Variants in ZNF469 observed in about 807,000 individuals in gnomAD.
ZNF469 encodes the protein zinc finger protein 469.
Under a neutral mutation model 1.0 loss-of-function variants are expected in ZNF469, and 1 was observed. That is an observed-to-expected ratio of 1.00 (90% CI 0.35 to 4.73). The LOEUF is 4.73. Among genes scored for constraint, ZNF469 ranks in the 30% most tolerant of loss-of-function variants. The pLI is 0.16. For missense variants in ZNF469, 6,100 were observed against 5,356.3 expected, an observed-to-expected ratio of 1.14 and a Z score of -4.33; for synonymous variants, 2,703 against 2,363.4, an observed-to-expected ratio of 1.14 and a Z score of -4.17.
chr16:88,287,080 A>C, the ZNF469 span, among the ~76,000 whole-genome samples: 35 of 152,286 alleles, frequency 2.3e-4, no homozygotes, highest in African/African-American at 8.2e-4. Context: ...CTTGCTTTTT[A>C]AAGCTTTTCT....
At chr16:88,115,458 G>A in the ZNF469 span, among the ~76,000 whole-genome samples, 1 of 152,022 alleles carries the variant, frequency 6.6e-6, no homozygotes, top group African/African-American at 2.4e-5. Flanking sequence ...GCCTTGCACA[G>A]TGCACATGAC....
chr16:88,399,900 C>G (rs1262666786), intron 1 of ZNF469, among the ~76,000 whole-genome samples: 2 of 152,242 alleles, frequency 1.3e-5, no homozygotes, highest in African/African-American at 4.8e-5. Context: ...GGGCTGGGGC[C>G]ACCTCAGGAG....
chr16:88,116,319 C>T, the ZNF469 span, among the ~76,000 whole-genome samples: 5 of 152,258 alleles, frequency 3.3e-5, no homozygotes, highest in East Asian at 7.7e-4. Flanking sequence ...GGTGATGTTG[C>T]GGTGTAGACA....
chr16:88,440,094 C>T lies in ZNF469; in HGVS notation c.*762C>T, dbSNP rs1223929849. 1.3e-5 allele frequency: 2 copies of T among 153,374 alleles called. No individual in the cohort carries two copies. Among genetic ancestry groups the T allele is most frequent in the Non-Finnish European group, 2.9e-5 (2 of 68,828 alleles). 9.5% of individuals were successfully genotyped at this position (153,374 alleles called of 1,614,324 possible). On this transcript the variant is annotated 3_prime_UTR_variant, in exon 3 of 3. Transcript: ENST00000565624. Reference sequence around the variant, plus strand: ...CCTCCATGGCCGCCCTCTAGAGCCTCCCTGCTGTACGGAGCTCTGGGCTCC... The same window carrying T: ...CCTCCATGGCCGCCCTCTAGAGCCTTCCTGCTGTACGGAGCTCTGGGCTCC...
intron 1 of ZNF469, among the ~76,000 whole-genome samples, chr16:88,410,751 C>CGGT (rs1905135505): frequency 6.6e-6 from 1 of 152,058 alleles, no homozygotes; most frequent in Admixed American, 6.5e-5. Flanking sequence ...ACACAGTTCA[C>CGGT]AGTAACGTCT....
the ZNF469 span, among the ~76,000 whole-genome samples, chr16:88,245,854 G>A: frequency 6.6e-6 from 1 of 152,292 alleles, no homozygotes; most frequent in Admixed American, 6.5e-5. Context: ...CATTGAGCGT[G>A]CCTGGTGTGT....
chr16:88,147,360 G>T, the ZNF469 span, among the ~76,000 whole-genome samples: 1 of 152,172 alleles, frequency 6.6e-6, no homozygotes, highest in Non-Finnish European at 1.5e-5. Flanking sequence ...CAGCGCCAAA[G>T]TCAGTCCATG....
the ZNF469 span, among the ~76,000 whole-genome samples, chr16:88,354,750 G>T: frequency 4.6e-5 from 7 of 152,268 alleles, no homozygotes; most frequent in East Asian, 1.4e-3. Context: ...GGCTCCCAAG[G>T]CTCCCAAGCC....
At chr16:88,393,510 C>G (rs1432364376) in intron 1 of ZNF469, among the ~76,000 whole-genome samples, 2 of 152,216 alleles carry the variant, frequency 1.3e-5, no homozygotes, top group African/African-American at 2.4e-5. Flanking sequence ...GCCTGGGACC[C>G]AAAGCCCTGC....
the ZNF469 span, among the ~76,000 whole-genome samples, chr16:88,310,478 A>G: frequency 2.0e-5 from 3 of 152,092 alleles, no homozygotes; most frequent in Non-Finnish European, 2.9e-5. Flanking sequence ...TTTGCACACA[A>G]AAGTGATAGC....
the ZNF469 span, among the ~76,000 whole-genome samples, chr16:88,342,224 G>A: frequency 6.6e-5 from 10 of 152,058 alleles, no homozygotes; most frequent in African/African-American, 1.2e-4. Context: ...AAGGTGACTC[G>A]AGAGATTTAC....
chr16:88,151,366 G>A, the ZNF469 span, among the ~76,000 whole-genome samples: 3 of 152,222 alleles, frequency 2.0e-5, no homozygotes, highest in South Asian at 4.1e-4. This position sits in a 1 kb window ranked among gnomAD's most constrained non-coding sequence, Gnocchi z 5.4. Context: ...CTTAAAACAC[G>A]GAAGCCGGGG....
the ZNF469 span, among the ~76,000 whole-genome samples, chr16:88,153,647 C>T: frequency 2.6e-5 from 4 of 152,248 alleles, no homozygotes; most frequent in Non-Finnish European, 5.9e-5. Context: ...CCCAGGCCGC[C>T]TGCAAGGCAC....
chr16:88,150,235 G>A, the ZNF469 span, among the ~76,000 whole-genome samples: 2 of 152,022 alleles, frequency 1.3e-5, no homozygotes, highest in African/African-American at 4.8e-5. Flanking sequence ...GCTTGAACCC[G>A]AGAGGCGGAG....
chr16:88,365,130 G>A, the ZNF469 span, among the ~76,000 whole-genome samples: 4 of 152,218 alleles, frequency 2.6e-5, no homozygotes, highest in South Asian at 2.1e-4. Flanking sequence ...TGGGATCCAT[G>A]AGTCGAGTCT....
chr16:88,168,087 G>A, the ZNF469 span, among the ~76,000 whole-genome samples: 1 of 152,182 alleles, frequency 6.6e-6, no homozygotes, highest in South Asian at 2.1e-4. This position sits in a 1 kb window ranked among gnomAD's most constrained non-coding sequence, Gnocchi z 4.3. Flanking sequence ...TTTACACTTC[G>A]TTCATCAAAA....
the ZNF469 span, chr16:88,234,877 A>C: frequency 1.3e-5 from 2 of 151,926 alleles, no homozygotes; most frequent in Admixed American, 1.3e-4. Context: ...ACAGGAAGGG[A>C]GGAAAACAGG....
Position 88,430,236 on chromosome 16 carries a change from C to T in ZNF469, c.2766C>T (p.Gly922=). 1 of 1,532,684 alleles carries T rather than the reference C, an allele frequency of 6.5e-7. No homozygotes were observed. Among genetic ancestry groups the T allele is most frequent in the Non-Finnish European group, 8.8e-7 (1 of 1,138,506 alleles). 94.9% of individuals were successfully genotyped at this position (1,532,684 alleles called of 1,614,324 possible). The change falls in exon 3 of 3, where the codon GGC becomes GGT. Residue 922 remains glycine, a synonymous_variant. Coordinates refer to ENST00000565624, the MANE Select transcript of ZNF469 (RefSeq NM_001367624.2). ...RPGDRGCPAR[G]RPKTRSLGLA... ...GGGACAGGGGCTGCCCAGCCCGAGG[C>T]AGGCCCAAAACGCGTTCCCTGGGTC...
At chr16:88,160,788 G>A in the ZNF469 span, among the ~76,000 whole-genome samples, 239 of 152,218 alleles carry the variant, frequency 1.6e-3, 2 homozygotes, top group African/African-American at 4.9e-3. Flanking sequence ...AGCAGCCTGC[G>A]AGATACACTG....
Sources: gnomAD v4.1 joint callset for allele counts (sites outside exome capture counted in the v4.1 genomes callset) on GRCh38, gnomAD v4.1.1 for gene constraint, Gnocchi (gnomAD v3.1) non-coding constraint, MANE v1.5 for transcripts, NCBI Gene and HGNC (gene_info 2026-07-23, HGNC 2026-07-21) for gene names.